Variants in HECTD4 observed in about 807,000 individuals in gnomAD.
The protein encoded by HECTD4 is HECT domain E3 ubiquitin protein ligase 4.
HECTD4 carries 114 observed loss-of-function variants against 471.5 expected under a neutral mutation model. The ratio of observed to expected loss-of-function variants is 0.24; its 90% confidence interval spans 0.21 to 0.28. HECTD4 has a LOEUF of 0.28. HECTD4 is among the 10% of genes least tolerant of loss of function. The pLI is 1.00. For missense variants in HECTD4, 3,866 were observed against 5,651.5 expected (o/e 0.68, Z 10.13); for synonymous variants, 2,012 against 2,256.0 (o/e 0.89, Z 3.07).
chr12:112,184,959 G>C lies in HECTD4; in HGVS notation c.10007C>G (p.Ser3336Trp). 1 of 1,613,614 alleles carries C rather than the reference G, an allele frequency of 6.2e-7. No homozygotes were observed. Among genetic ancestry groups the C allele is most frequent in the Non-Finnish European group, 8.5e-7 (1 of 1,179,812 alleles). The change falls in exon 61 of 76, where the codon TCG becomes TGG. Residue 3336 changes from serine to tryptophan, a missense_variant. Physicochemically the swap from Ser to Trp is radical, Grantham distance 177. Around this residue, in one of 16 missense-constraint regions of HECTD4, gnomAD observed 57 missense variants for 49.8 expected, o/e 1.14. Transcript: ENST00000682272. The surrounding 1 kb of genome is among the most constrained non-coding windows in gnomAD (Gnocchi z 9.1). ...GKRQSSRTVDSDPTVLSIGGS... is the reference protein window; with the variant it reads ...GKRQSSRTVDWDPTVLSIGGS... Reference sequence around the variant, plus strand: ...TCCGATGCTGAGCACGGTGGGGTCCGAGTCCACGGTGCGGGAAGACTGGCG... The same window carrying C: ...TCCGATGCTGAGCACGGTGGGGTCCCAGTCCACGGTGCGGGAAGACTGGCG...
In HECTD4 at chr12:112,213,150, AG is replaced by A. The variant is rs1275146448; in HGVS notation, c.7466-501del. 6.6e-6 allele frequency among the ~76,000 whole-genome samples: 1 copy of A among 152,168 alleles called. No individual in the cohort carries two copies. The highest frequency in any genetic ancestry group is 2.4e-5 in the African/African-American group (1 of 41,430). On this transcript the variant is annotated intron_variant, in intron 48 of 75. Coordinates refer to ENST00000682272, the MANE Select transcript of HECTD4 (RefSeq NM_001388303.1). The surrounding 1 kb of genome is among the most constrained non-coding windows in gnomAD (Gnocchi z 4.0). ...ATAACAGAAACAACCCATTTAAAGA[AG>A]CTGTCAGAATTTTTAGAAGGAAAAT...
intron 54 of HECTD4, 81 bp downstream of exon 54, chr12:112,203,555 T>G (rs2032490722): frequency 2.5e-6 from 3 of 1,208,164 alleles, no homozygotes; most frequent in East Asian, 5.4e-5. Flanking sequence ...TATAATCACT[T>G]TTTAAGGTAC....
chr12:112,167,578 C>T (rs2031021890), intron 71 of HECTD4, 40 bp from the exon 72 acceptor site: 2 of 1,453,424 alleles, frequency 1.4e-6, no homozygotes, highest in Non-Finnish European at 9.4e-7. Context: ...TGGGCGTGGG[C>T]CTCTGTGCCC....
intron 49 of HECTD4, among the ~76,000 whole-genome samples, chr12:112,211,294 C>T (rs2135544038): frequency 6.6e-6 from 1 of 152,216 alleles, no homozygotes; most frequent in African/African-American, 2.4e-5. Context: ...TAACGCATTG[C>T]AGCCTGGAAC....
chr12:112,170,580 T>G lies in HECTD4; in HGVS notation c.11933-128A>C, dbSNP rs574256872. 3.2e-6 allele frequency: 4 copies of G among 1,239,478 alleles called. No homozygotes were observed. In the African/African-American group the frequency reaches 4.5e-5, roughly 14 times the overall value. 76.8% of individuals were successfully genotyped at this position (1,239,478 alleles called of 1,614,324 possible). A position where few individuals can be genotyped will look rare whatever the true frequency, so the allele number is the denominator to read the frequency against. ...CCCTGGTGGCAGTAGAGCCGGGCCC[T>G]GACTGTGGAGGGTGGTGTGTCAGCA... On this transcript the variant is annotated intron_variant, in intron 68 of 75. Transcript: ENST00000682272.
At chr12:112,274,380 T>C (rs2034482654) in intron 10 of HECTD4, among the ~76,000 whole-genome samples, 1 of 152,226 alleles carries the variant, frequency 6.6e-6, no homozygotes, top group South Asian at 2.1e-4. Flanking sequence ...CAATGTCTTA[T>C]ACTCATTCCC....
chr12:112,356,020 G>A (rs574761019), intron 1 of HECTD4, among the ~76,000 whole-genome samples: 25 of 152,192 alleles, frequency 1.6e-4, no homozygotes, highest in South Asian at 6.2e-4. Context: ...GGTGATAACT[G>A]GGGAGAGTCA....
chr12:112,200,571 T>C (rs772710665), intron 55 of HECTD4, 67 bp downstream of exon 55: 27 of 1,507,072 alleles, frequency 1.8e-5, no homozygotes, highest in Admixed American at 3.7e-5. Context: ...AAATGGTACA[T>C]GGTACATGTG....
intron 72 of HECTD4, among the ~76,000 whole-genome samples, chr12:112,164,973 G>T (rs1471577947): frequency 6.7e-6 from 1 of 148,992 alleles, no homozygotes; most frequent in Non-Finnish European, 1.5e-5. Flanking sequence ...GTCAGCTGGA[G>T]TGCAGTGGCG....
rs976827578 is a variant in HECTD4, at chr12:112,228,770, A to G, written c.6561T>C (p.Ala2187=). 6.2e-7 allele frequency: 1 copy of G among 1,613,670 alleles called. No homozygotes were observed. The highest frequency in any genetic ancestry group is 1.3e-5 in the African/African-American group (1 of 74,918). The part of the protein sequence containing the change: ...RGISGSIGVV[A]SINEQEGIAT... ...CTATACCTTCCTGTTCATTGATAGAAGCCACTACTCCAATGCTTCCTGAAA... is the reference window on the plus strand; with the variant it reads ...CTATACCTTCCTGTTCATTGATAGAGGCCACTACTCCAATGCTTCCTGAAA... Residue 2187 remains alanine (A), a synonymous_variant, in exon 42 of 76, where the codon GCT becomes GCC. Coordinates refer to ENST00000682272, the MANE Select transcript of HECTD4 (RefSeq NM_001388303.1). The surrounding 1 kb of genome is among the most constrained non-coding windows in gnomAD (Gnocchi z 4.9).
rs1257861305 is a variant in HECTD4, at chr12:112,162,115, CAAG to C, written c.*269_*271del. On this transcript the variant is annotated 3_prime_UTR_variant, in exon 76 of 76. Coordinates refer to ENST00000682272, the MANE Select transcript of HECTD4 (RefSeq NM_001388303.1). The surrounding 1 kb of genome is among the most constrained non-coding windows in gnomAD (Gnocchi z 5.2). ...TCTGGTGGCCATGAGGGACAATGTC[CAAG>C]AAGATCAAATTAGACACAAACTGTC... 17 of 394,676 alleles carry C rather than the reference CAAG, an allele frequency of 4.3e-5. No individual in the cohort carries two copies. The highest frequency in any genetic ancestry group is 3.9e-4 in the Admixed American group (10 of 25,462). The allele number at this position is 394,676 out of a possible 1,614,324, so 24.4% of individuals were successfully genotyped here. A position where few individuals can be genotyped will look rare whatever the true frequency, so the allele number is the denominator to read the frequency against.
At chr12:112,347,247 T>C (rs557490275) in intron 1 of HECTD4, among the ~76,000 whole-genome samples, 7 of 152,152 alleles carry the variant, frequency 4.6e-5, no homozygotes, top group Admixed American at 1.3e-4. Context: ...TGGTGGCTCA[T>C]GTCTGTAATC....
intron 4 of HECTD4, among the ~76,000 whole-genome samples, chr12:112,311,159 G>A (rs2035361903): frequency 6.6e-6 from 1 of 152,232 alleles, no homozygotes; most frequent in Admixed American, 6.5e-5. Context: ...CTACTAGGGA[G>A]GCTGAGGCAG....
intron 60 of HECTD4, among the ~76,000 whole-genome samples, chr12:112,186,306 CTT>C (rs34138419): frequency 3.5e-4 from 31 of 89,842 alleles, no homozygotes; most frequent in African/African-American, 1.1e-3. Context: ...CTGGCATATT[CTT>C]TTTTTTTTTT....
rs1245410832 is a variant in HECTD4, at chr12:112,319,401, C to A, written c.519G>T (p.Leu173Phe). The A allele has an allele frequency of 6.5e-7, 1 of 1,536,122 alleles. No homozygotes were observed. The highest frequency in any genetic ancestry group is 8.7e-7 in the Non-Finnish European group (1 of 1,146,906). The change falls in exon 2 of 76, where the codon TTG becomes TTT. Residue 173 changes from leucine to phenylalanine, a missense_variant. Physicochemically the swap from Leu to Phe is conservative, Grantham distance 22 (BLOSUM62 0). Around this residue, in one of 16 missense-constraint regions of HECTD4, gnomAD observed 440 missense variants for 636.0 expected, o/e 0.69. Coordinates refer to ENST00000682272, the MANE Select transcript of HECTD4 (RefSeq NM_001388303.1). This position sits in a 1 kb window ranked among gnomAD's most constrained non-coding sequence, Gnocchi z 5.3. ...AAGGCTGGCAGTCACGAAGGCAGTT[C>A]AATAGCACCTCAGCAGTTATGTTAC... ...SLCNITAEVL[L>F]NCLRDCQPLS...
At chr12:112,370,890 C>A (rs2036654190) in intron 1 of HECTD4, among the ~76,000 whole-genome samples, 2 of 152,104 alleles carry the variant, frequency 1.3e-5, no homozygotes, top group Non-Finnish European at 2.9e-5. Flanking sequence ...CATAGTTGAT[C>A]ACCTGCTGTT....
In HECTD4 at chr12:112,281,269, T is replaced by A. The variant is rs557987735; in HGVS notation, c.1528+1841A>T. On this transcript the variant is annotated intron_variant, in intron 8 of 75. Coordinates refer to ENST00000682272, the MANE Select transcript of HECTD4 (RefSeq NM_001388303.1). Reference sequence around the variant, plus strand: ...GACAACATAACAAGACCTCATGTTTTTTTTAAAAAAAAAAAGTACAATGAG... The same window carrying A: ...GACAACATAACAAGACCTCATGTTTATTTTAAAAAAAAAAAGTACAATGAG... Among the ~76,000 whole-genome samples, 340 of 152,088 alleles carry A rather than the reference T, an allele frequency of 2.2e-3. 1 individual carries two copies. Among genetic ancestry groups the A allele is most frequent in the African/African-American group, 7.5e-3 (310 of 41,502 alleles).
At chr12:112,234,981 C>T (rs2033466201) in intron 37 of HECTD4, 96 bp downstream of exon 37, 12 of 1,107,992 alleles carry the variant, frequency 1.1e-5, no homozygotes, top group East Asian at 5.2e-5. Flanking sequence ...TAAAGAGGGC[C>T]GAGGCAGTCG....
At position 112,219,492 on chromosome 12, in the gene HECTD4, G is replaced by A. The variant is rs1394106042; in HGVS notation, c.6971-3C>T. The A allele has an allele frequency of 6.2e-7, 1 of 1,608,170 alleles. No homozygotes were observed. The highest frequency in any genetic ancestry group is 1.3e-5 in the African/African-American group (1 of 74,776). On this transcript the variant is annotated splice_polypyrimidine_tract_variant and splice_region_variant and intron_variant, in intron 44 of 75. Coordinates refer to ENST00000682272, the MANE Select transcript of HECTD4 (RefSeq NM_001388303.1). ...CTCCACAACTGCAAGTCGCTCTCCT[G>A]TAGAGGGCACATGTTGAATCTGTGA...
Sources: allele counts gnomAD v4.1 joint callset (sites outside exome capture counted in the v4.1 genomes callset), GRCh38; gene constraint gnomAD v4.1.1; regional missense constraint gnomAD v4.1.1; non-coding constraint Gnocchi (gnomAD v3.1); transcripts MANE v1.5; gene names NCBI Gene and HGNC (gene_info 2026-07-23, HGNC 2026-07-21).